The following HERC2 variants were observed in gnomAD, a reference collection of about 807,000 sequenced individuals.
The protein encoded by HERC2 is HECT and RLD domain containing E3 ubiquitin protein ligase 2.
In HERC2, 102 loss-of-function variants were observed where a neutral mutation model predicts 537.7. The observed-to-expected ratio is 0.19, with a 90% CI of 0.16 to 0.22. The LOEUF is 0.22. Ranked by LOEUF, HERC2 falls within the 10% of genes least tolerant of loss-of-function variation. The pLI is 1.00. For synonymous variants in HERC2, 2,224 were observed against 2,466.2 expected, an observed-to-expected ratio of 0.90 and a Z score of 2.91; for missense variants, 4,236 against 6,198.2, an observed-to-expected ratio of 0.68 and a Z score of 10.63.
intron 28 of HERC2, 39 bp from the exon 29 acceptor site, chr15:28,233,600 T>C (rs754721045): frequency 1.1e-5 from 18 of 1,613,712 alleles, no homozygotes; most frequent in African/African-American, 6.7e-5. Flanking sequence ...GGGATGAATA[T>C]GTACCTCAGG....
At chr15:28,237,981 G>A (rs1167771747) in intron 25 of HERC2, 133 bp downstream of exon 25, 12 of 770,956 alleles carry the variant, frequency 1.6e-5, no homozygotes, top group Non-Finnish European at 2.6e-5. Context: ...ACTTCTAAAG[G>A]ATCTTTATAT....
At chr15:28,262,879 C>G in intron 15 of HERC2, 39 bp downstream of exon 15, 15 of 1,577,906 alleles carry the variant, frequency 9.5e-6, no homozygotes, top group Non-Finnish European at 1.2e-5. Flanking sequence ...ACTAAAGAAA[C>G]TGTCCTGAAG....
At position 28,179,234 on chromosome 15, in the gene HERC2, A is replaced by AT. The variant is rs72154154; in HGVS notation, c.8938-12dup. ...CGAAGGAACCTTTATCTACAACAGA[A>AT]TTTTTTTAACAAAAAAAAAAGAAAA... On this transcript the variant is annotated splice_polypyrimidine_tract_variant and intron_variant, in intron 57 of 92. Coordinates refer to ENST00000261609, the MANE Select transcript of HERC2 (RefSeq NM_004667.6). 5 of 1,571,372 alleles carry AT rather than the reference A, an allele frequency of 3.2e-6. No individual in the cohort carries two copies. The highest frequency in any genetic ancestry group is 1.8e-4 in the Middle Eastern group (1 of 5,670).
chr15:28,166,310 T>C (rs189389394), intron 68 of HERC2, among the ~76,000 whole-genome samples: 164 of 152,286 alleles, frequency 1.1e-3, no homozygotes, highest in African/African-American at 3.8e-3. Flanking sequence ...AAAAGCATTA[T>C]ACACCAAAAA....
In HERC2 at chr15:28,124,077, C is replaced by T; in HGVS notation, c.13148G>A (p.Gly4383Glu). The T allele has an allele frequency of 6.2e-7, 1 of 1,606,646 alleles. No homozygotes were observed. The highest frequency in any genetic ancestry group is 8.5e-7 in the Non-Finnish European group (1 of 1,176,284). ...LDETGLGPSV[G>E]FDTLRGILIS... Reference sequence around the variant, plus strand: ...CAGAATTCCTCGGAGAGTGTCGAACCCAACAGAAGGCCCGAGTCCAGTTTC... The same window carrying T: ...CAGAATTCCTCGGAGAGTGTCGAACTCAACAGAAGGCCCGAGTCCAGTTTC... Residue 4383 changes from glycine (G) to glutamate (E), a missense_variant, in exon 85 of 93, where the codon GGG (glycine) becomes GAG (glutamate). Transcript: ENST00000261609.
chr15:28,243,404 T>C (rs918682642), intron 23 of HERC2, among the ~76,000 whole-genome samples: 1 of 152,172 alleles, frequency 6.6e-6, no homozygotes, highest in Non-Finnish European at 1.5e-5. Context: ...TTCACGAATA[T>C]TACTTCTGTT....
Position 28,113,112 on chromosome 15 carries a change from T to C in HERC2, c.14191A>G (p.Arg4731Gly). The C allele has an allele frequency of 1.2e-6, 2 of 1,613,806 alleles. No homozygotes were observed. Among genetic ancestry groups the C allele is most frequent in the African/African-American group, 2.7e-5 (2 of 75,022 alleles). The change falls in exon 92 of 93, where the codon AGG (arginine) becomes GGG (glycine). Residue 4731 changes from arginine to glycine, a missense_variant. Around this residue, in one of 27 missense-constraint regions of HERC2, gnomAD observed 313 missense variants for 462.6 expected, o/e 0.68. Coordinates refer to ENST00000261609, the MANE Select transcript of HERC2 (RefSeq NM_004667.6). This position sits in a 1 kb window ranked among gnomAD's most constrained non-coding sequence, Gnocchi z 7.0. The stretch of plus-strand genomic sequence containing the variant: ...CGGCCCCGGAAGTCGGCGATGGTCC[T>C]GGGCAGCCTCGTCCGGCCCCAGACG... ...RFVWGRTRLP[R>G]TIADFRGRDF...
Position 28,198,360 on chromosome 15 carries a change from T to C in HERC2, c.8011+18A>G, listed in dbSNP as rs1266745043. 3 of 1,606,986 alleles carry C rather than the reference T, an allele frequency of 1.9e-6. No individual in the cohort carries two copies. Among genetic ancestry groups the C allele is most frequent in the Non-Finnish European group, 2.5e-6 (3 of 1,178,410 alleles). Reference sequence around the variant, plus strand: ...TGAAAAGTTAACATCAGGAATTTTATTACCCAGATAATATTACCTTTCACA... The same window carrying C: ...TGAAAAGTTAACATCAGGAATTTTACTACCCAGATAATATTACCTTTCACA... On this transcript the variant is annotated intron_variant, in intron 50 of 92. Coordinates refer to ENST00000261609, the MANE Select transcript of HERC2 (RefSeq NM_004667.6).
chr15:28,249,856 A>G (rs906920414), intron 20 of HERC2, among the ~76,000 whole-genome samples: 11 of 147,048 alleles, frequency 7.5e-5, no homozygotes, highest in Admixed American at 6.9e-5. Flanking sequence ...GGCTTTCACT[A>G]TGTAAACCCA....
intron 2 of HERC2, chr15:28,320,164 G>C (rs1376864256): frequency 6.6e-6 from 1 of 152,058 alleles, no homozygotes; most frequent in African/African-American, 2.4e-5. Flanking sequence ...GTCCAGGCTG[G>C]AGTGCAATGG....
At chr15:28,148,768 G>A (rs1169401448) in intron 70 of HERC2, among the ~76,000 whole-genome samples, 3 of 147,308 alleles carry the variant, frequency 2.0e-5, no homozygotes, top group Non-Finnish European at 4.5e-5. Context: ...AAACACATGC[G>A]GCTTCTAACC....
chr15:28,153,630 G>A (rs1302074439), intron 69 of HERC2, among the ~76,000 whole-genome samples: 7 of 152,090 alleles, frequency 4.6e-5, no homozygotes, highest in Non-Finnish European at 8.8e-5. Context: ...CAGCCTGAGC[G>A]ACAGAGAGAG....
intron 44 of HERC2, among the ~76,000 whole-genome samples, chr15:28,210,046 T>C (rs1898988625): frequency 2.3e-5 from 3 of 131,614 alleles, no homozygotes. Flanking sequence ...CACTGCAACC[T>C]CCGCCCCCCG....
chr15:28,304,768 A>G (rs1667396), intron 2 of HERC2, among the ~76,000 whole-genome samples: 124,208 of 128,002 alleles, frequency 0.97, 60,311 homozygotes, highest in Non-Finnish European at 0.99. Flanking sequence ...GCGCAGGTTA[A>G]TTACATATGT....
At chr15:28,126,592 G>A (rs1889513829) in intron 83 of HERC2, among the ~76,000 whole-genome samples, 2 of 152,284 alleles carry the variant, frequency 1.3e-5, no homozygotes, top group South Asian at 4.1e-4. Context: ...AACCTGGATG[G>A]GACTAGAGAC....
Position 28,116,864 on chromosome 15 carries a change from A to G in HERC2, c.13415-5T>C, listed in dbSNP as rs986341402. The G allele has an allele frequency of 2.5e-6, 4 of 1,609,870 alleles. 1 individual carries two copies. In the East Asian group the frequency reaches 8.9e-5, roughly 36 times the overall value. On this transcript the variant is annotated splice_polypyrimidine_tract_variant and splice_region_variant and intron_variant, in intron 87 of 92. Coordinates refer to ENST00000261609, the MANE Select transcript of HERC2 (RefSeq NM_004667.6). ...CACAGTCATCCACAGATTCACCTGC[A>G]GGGGAGAAGCAGCCACTCGAAGTCC...
intron 26 of HERC2, among the ~76,000 whole-genome samples, chr15:28,236,001 G>A (rs894225732): frequency 1.3e-5 from 2 of 152,188 alleles, no homozygotes; most frequent in African/African-American, 4.8e-5. Flanking sequence ...AGCCTGGTCT[G>A]GTAAAAACAC....
At chr15:28,237,947 A>G (rs1902636634) in intron 25 of HERC2, among the ~76,000 whole-genome samples, 167 bp downstream of exon 25, 1 of 152,238 alleles carries the variant, frequency 6.6e-6, no homozygotes, top group Admixed American at 6.5e-5. Flanking sequence ...TAACATGAAT[A>G]AATGTAAATT....
intron 69 of HERC2, among the ~76,000 whole-genome samples, chr15:28,160,368 C>A (rs867061080): frequency 6.6e-5 from 10 of 152,238 alleles, no homozygotes; most frequent in Non-Finnish European, 4.4e-5. Flanking sequence ...CCTTGAGCTG[C>A]GGTGGGCTCC....
Sources: allele counts gnomAD v4.1 joint callset (sites outside exome capture counted in the v4.1 genomes callset), GRCh38; gene constraint gnomAD v4.1.1; regional missense constraint gnomAD v4.1.1; non-coding constraint Gnocchi (gnomAD v3.1); transcripts MANE v1.5; gene names NCBI Gene and HGNC (gene_info 2026-07-23, HGNC 2026-07-21).